MGAT4C: variants seen among roughly 807,000 people sequenced by gnomAD.
MGAT4C encodes the protein MGAT4 family member C.
In MGAT4C, 19 loss-of-function variants were observed where a neutral mutation model predicts 40.1. The observed-to-expected ratio is 0.47, with a 90% CI of 0.33 to 0.70. The LOEUF (loss-of-function observed/expected upper bound fraction) is 0.70, where lower values mean the gene tolerates loss of function less well. Ranked by LOEUF, MGAT4C falls within the 30% of genes least tolerant of loss-of-function variation. The pLI is 0.02. For missense variants in MGAT4C, 491 were observed against 563.2 expected (o/e 0.87, Z 1.30); for synonymous variants, 181 against 187.1 (o/e 0.97, Z 0.27).
rs909636913 is a variant in MGAT4C at position 85,977,555 on chromosome 12, G to T, written c.*1734C>A. ...GGTTCGTTTTTCTTCTAACACTTTA[G>T]TAGCTGAATACAAAGAAAATACACA... On this transcript the variant is annotated 3_prime_UTR_variant, in exon 5 of 5. Transcript: ENST00000611864. The T allele has an allele frequency of 2.0e-5, 3 of 151,224 alleles. No homozygotes were observed. The highest frequency in any genetic ancestry group is 7.3e-5 in the African/African-American group (3 of 41,314). 9.4% of individuals were successfully genotyped at this position (151,224 alleles called of 1,614,324 possible). A position where few individuals can be genotyped will look rare whatever the true frequency, so the allele number is the denominator to read the frequency against.
chr12:86,254,108 A>T (rs148877641), intron 1 of MGAT4C, among the ~76,000 whole-genome samples: 4 of 152,094 alleles, frequency 2.6e-5, no homozygotes, highest in African/African-American at 9.6e-5. Context: ...GGGCAGTACA[A>T]GTAACATCAC....
At position 85,963,832 on chromosome 12, in the gene MGAT4C, A is replaced by G. The variant is rs1883231756; in HGVS notation, c.*15457T>C. On this transcript the variant is annotated 3_prime_UTR_variant, in exon 5 of 5. Transcript: ENST00000611864. ...ATACATAAACAGTAAAGCCAACACA[A>G]TAAGTAAAATAAGAGAAAGTAGAAT... 6.6e-6 allele frequency: 1 copy of G among 152,044 alleles called. No individual in the cohort carries two copies. Among genetic ancestry groups the G allele is most frequent in the South Asian group, 2.1e-4 (1 of 4,828 alleles). 9.4% of individuals were successfully genotyped at this position (152,044 alleles called of 1,614,324 possible).
At chr12:86,096,695 T>C (rs1317417067) in intron 1 of MGAT4C, among the ~76,000 whole-genome samples, 2 of 151,580 alleles carry the variant, frequency 1.3e-5, no homozygotes, top group African/African-American at 2.4e-5. Flanking sequence ...ACTTGAAAAG[T>C]AGAGGGTTTT....
intron 1 of MGAT4C, among the ~76,000 whole-genome samples, chr12:86,089,695 T>A (rs898215135): frequency 6.6e-6 from 1 of 151,778 alleles, no homozygotes; most frequent in Non-Finnish European, 1.5e-5. Context: ...TTATATCAAA[T>A]TGAAAATTAA....
chr12:86,072,687 T>A (rs1217425497), intron 1 of MGAT4C, among the ~76,000 whole-genome samples: 1 of 152,018 alleles, frequency 6.6e-6, no homozygotes, highest in African/African-American at 2.4e-5. Flanking sequence ...TGGAGGAGGA[T>A]GGAATGAAGA....
At chr12:86,807,667 T>C (rs1952384661) in intron 1 of MGAT4C, among the ~76,000 whole-genome samples, 1 of 152,118 alleles carries the variant, frequency 6.6e-6, no homozygotes, top group African/African-American at 2.4e-5. Flanking sequence ...GGTCAAATGG[T>C]ATTTCTGGTT....
In MGAT4C at chr12:86,691,252, C is replaced by A. The variant is rs1593119495; in HGVS notation, c.-229+35957G>T. ...TATGTTTAAAGCATAGTGGAGCCAGCAGTGAGAATTTGCAGAGTCAAGATT... is the reference window on the plus strand; with the variant it reads ...TATGTTTAAAGCATAGTGGAGCCAGAAGTGAGAATTTGCAGAGTCAAGATT... On this transcript the variant is annotated intron_variant, in intron 2 of 7. Transcript: ENST00000548651. Among the ~76,000 whole-genome samples the A allele has an allele frequency of 2.6e-5, 4 of 152,282 alleles. No homozygotes were observed. The East Asian group carries it at 7.7e-4, about 29-fold the overall frequency.
chr12:86,226,086 A>G (rs1460496630), intron 1 of MGAT4C, among the ~76,000 whole-genome samples: 9 of 151,786 alleles, frequency 5.9e-5, no homozygotes, highest in Non-Finnish European at 2.9e-5. Flanking sequence ...GCAATATTTT[A>G]CCCATAGCTA....
chr12:86,794,189 C>G (rs1456800025), intron 1 of MGAT4C, among the ~76,000 whole-genome samples: 1 of 151,544 alleles, frequency 6.6e-6, no homozygotes, highest in Admixed American at 6.6e-5. Flanking sequence ...TATATTCAGA[C>G]ATCAAAACAT....
chr12:86,798,223 T>A (rs1047037112), intron 1 of MGAT4C, among the ~76,000 whole-genome samples: 1 of 152,014 alleles, frequency 6.6e-6, no homozygotes, highest in Non-Finnish European at 1.5e-5. Flanking sequence ...CAGCATATAC[T>A]GCTTACATTC....
chr12:86,087,798 T>C (rs534522165), intron 1 of MGAT4C, among the ~76,000 whole-genome samples: 24 of 152,100 alleles, frequency 1.6e-4, no homozygotes, highest in Non-Finnish European at 2.5e-4. Context: ...GAATCAATAA[T>C]ACTGCCCAAA....
intron 3 of MGAT4C, among the ~76,000 whole-genome samples, chr12:86,362,865 T>C (rs1178606548): frequency 1.1e-4 from 1 of 8,950 alleles, no homozygotes; most frequent in African/African-American, 5.5e-4. Flanking sequence ...AGACTCCATC[T>C]CAAAAAAAAA....
At chr12:86,348,696 G>A (rs900028762) in intron 3 of MGAT4C, among the ~76,000 whole-genome samples, 7 of 152,028 alleles carry the variant, frequency 4.6e-5, no homozygotes, top group Non-Finnish European at 8.8e-5. Context: ...TCAATAGTAC[G>A]TGGTTTTTTA....
intron 4 of MGAT4C, among the ~76,000 whole-genome samples, chr12:86,284,762 G>T (rs987698048): frequency 6.6e-6 from 1 of 151,930 alleles, no homozygotes; most frequent in Non-Finnish European, 1.5e-5. Context: ...CTGCTAATTA[G>T]AGTTCCATGC....
chr12:86,626,146 C>T (rs1274144518), intron 2 of MGAT4C, among the ~76,000 whole-genome samples: 1 of 152,098 alleles, frequency 6.6e-6, no homozygotes, highest in East Asian at 1.9e-4. Context: ...ACAATTCTTG[C>T]TGTGAAGAAG....
intron 3 of MGAT4C, among the ~76,000 whole-genome samples, chr12:86,344,436 C>T (rs1954972327): frequency 6.6e-6 from 1 of 152,076 alleles, no homozygotes; most frequent in Non-Finnish European, 1.5e-5. Flanking sequence ...GAAAAGCATT[C>T]CTGGGCCAAA....
Position 86,526,111 on chromosome 12 carries a change from T to C in MGAT4C, c.-228-90846A>G, listed in dbSNP as rs1281577463. The stretch of plus-strand genomic sequence containing the variant: ...TAACTGTGCATGGAGTCAGGTGGTG[T>C]TGGCACAGGGACGGTGCTGTTGGGC... On this transcript the variant is annotated intron_variant, in intron 2 of 7. Coordinates refer to the MGAT4C transcript ENST00000548651. Among the ~76,000 whole-genome samples, 2 of 152,096 alleles carry C rather than the reference T, an allele frequency of 1.3e-5. 1 individual carries two copies. Among genetic ancestry groups the C allele is most frequent in the Non-Finnish European group, 2.9e-5 (2 of 68,004 alleles).
At chr12:86,815,996 A>C (rs1952598151) in intron 1 of MGAT4C, among the ~76,000 whole-genome samples, 1 of 151,938 alleles carries the variant, frequency 6.6e-6, no homozygotes, top group South Asian at 2.1e-4. Flanking sequence ...TAACTTATTT[A>C]AAAAATCCTA....
chr12:86,675,362 A>G (rs1256510530), intron 2 of MGAT4C, among the ~76,000 whole-genome samples: 1 of 152,030 alleles, frequency 6.6e-6, no homozygotes, highest in Non-Finnish European at 1.5e-5. Flanking sequence ...ATGAACATCC[A>G]TTTTCACATC....
Sources: allele counts gnomAD v4.1 joint callset (sites outside exome capture counted in the v4.1 genomes callset), GRCh38; gene constraint gnomAD v4.1.1; transcripts MANE v1.5; gene names NCBI Gene and HGNC (gene_info 2026-07-23, HGNC 2026-07-21).